BEND7: variants seen among roughly 807,000 people sequenced by gnomAD.
The protein encoded by BEND7 is BEN domain containing 7, also known as BEN domain-containing protein 7.
A neutral mutation model predicts 50.9 loss-of-function variants in BEND7; 28 were observed. The observed-to-expected ratio is 0.55, with a 90% CI of 0.41 to 0.75. BEND7 has a LOEUF of 0.75. Ranked by LOEUF, BEND7 falls within the 30% of genes least tolerant of loss-of-function variation. The probability of loss-of-function intolerance (pLI) is 0.00; values close to 1 mark genes in which losing one functional copy is unlikely to be tolerated. For synonymous variants in BEND7, 170 were observed against 183.9 expected (o/e 0.92, Z 0.61); for missense variants, 477 against 491.3 (o/e 0.97, Z 0.28).
At chr10:13,490,957 C>T (rs1003060536) in intron 5 of BEND7, among the ~76,000 whole-genome samples, 19 of 152,126 alleles carry the variant, frequency 1.2e-4, no homozygotes, top group African/African-American at 4.1e-4. Context: ...GCATGTGCCA[C>T]CACATCCAGC....
Position 13,528,584 on chromosome 10 carries a change from AGCGGCAGCGGCGGCAGCG to A in BEND7, c.-69_-52del. On this transcript the variant is annotated 5_prime_UTR_variant, in exon 1 of 9. Transcript: ENST00000466271. ...CTGAGGAGGCGGCGGCAGCGGCGGC[AGCGGCAGCGGCGGCAGCG>A]GCAGCGGCGGCGCGGGCTCGTGTCA... 3.9e-5 allele frequency: 1 copy of A among 25,466 alleles called. No homozygotes were observed. The highest frequency in any genetic ancestry group is 4.7e-5 in the Non-Finnish European group (1 of 21,322). The allele number at this position is 25,466 out of a possible 1,614,324, so 1.6% of individuals were successfully genotyped here.
intron 6 of BEND7, among the ~76,000 whole-genome samples, chr10:13,472,100 C>T (rs1380107541): frequency 2.0e-5 from 3 of 152,030 alleles, no homozygotes; most frequent in Middle Eastern, 3.4e-3. Context: ...GGTCGATACC[C>T]GTCATCACTG....
chr10:13,456,901 A>G (rs1160130671), intron 6 of BEND7, among the ~76,000 whole-genome samples: 1 of 152,240 alleles, frequency 6.6e-6, no homozygotes, highest in African/African-American at 2.4e-5. Context: ...TATTTAAAGA[A>G]GCAAGGTCTT....
chr10:13,467,030 A>C (rs1421802222), intron 6 of BEND7, among the ~76,000 whole-genome samples: 1 of 152,214 alleles, frequency 6.6e-6, no homozygotes, highest in Admixed American at 6.5e-5. Flanking sequence ...CTCACTCATC[A>C]GTGGAGATTT....
At chr10:13,486,386 G>C (rs977800257) in intron 5 of BEND7, among the ~76,000 whole-genome samples, 4 of 152,192 alleles carry the variant, frequency 2.6e-5, no homozygotes, top group Admixed American at 6.5e-5. Context: ...AGCCACAAGA[G>C]CATGTGGGAC....
intron 6 of BEND7, among the ~76,000 whole-genome samples, chr10:13,472,846 C>T (rs1300962646): frequency 6.6e-6 from 1 of 151,814 alleles, no homozygotes; most frequent in East Asian, 1.9e-4. Flanking sequence ...TACCCGTCAT[C>T]ACTGTTAGAC....
chr10:13,529,208 C>CCCGG (rs1221042398), upstream of BEND7, among the ~76,000 whole-genome samples: 1 of 146,220 alleles, frequency 6.8e-6, no homozygotes, highest in Non-Finnish European at 1.5e-5. Context: ...CTGGCCCGGG[C>CCCGG]CCGGCCGGCC....
chr10:13,510,836 TA>T (rs1018183691), intron 2 of BEND7, among the ~76,000 whole-genome samples: 1 of 151,960 alleles, frequency 6.6e-6, no homozygotes, highest in African/African-American at 2.4e-5. Flanking sequence ...CCTCTATTGG[TA>T]ATAGTGGTTA....
At chr10:13,495,394 G>T (rs1311469737) in intron 4 of BEND7, among the ~76,000 whole-genome samples, 1 of 152,218 alleles carries the variant, frequency 6.6e-6, no homozygotes, top group African/African-American at 2.4e-5. Context: ...CGGCGCGGTG[G>T]CTCACGCCTG....
chr10:13,464,155 G>A (rs1227352203), intron 6 of BEND7, among the ~76,000 whole-genome samples: 2 of 152,214 alleles, frequency 1.3e-5, no homozygotes, highest in African/African-American at 4.8e-5. Flanking sequence ...TTACTCGGCC[G>A]TTCCATTGCC....
chr10:13,448,578 T>C (rs1836951227), intron 7 of BEND7, among the ~76,000 whole-genome samples: 2 of 152,178 alleles, frequency 1.3e-5, no homozygotes, highest in Non-Finnish European at 2.9e-5. Context: ...TCCAACATCT[T>C]GTCCTCAGAT....
chr10:13,459,485 T>C (rs1839770233), intron 6 of BEND7: 1 of 152,262 alleles, frequency 6.6e-6, no homozygotes, highest in Non-Finnish European at 1.5e-5. Flanking sequence ...TATCCATCTA[T>C]TGTATTAAAA....
chr10:13,529,426 A>T (rs2079588080), upstream of BEND7, among the ~76,000 whole-genome samples: 1 of 152,016 alleles, frequency 6.6e-6, no homozygotes, highest in Non-Finnish European at 1.5e-5. Context: ...GGGGGAAAAA[A>T]CTTACCCATT....
intron 6 of BEND7, among the ~76,000 whole-genome samples, chr10:13,477,763 A>G (rs1056809298): frequency 6.6e-6 from 1 of 152,234 alleles, no homozygotes; most frequent in African/African-American, 2.4e-5. Flanking sequence ...AGAAGATGTG[A>G]GGATGGATGT....
At chr10:13,501,173 G>A (rs2077421893) in intron 2 of BEND7, among the ~76,000 whole-genome samples, 3 of 151,810 alleles carry the variant, frequency 2.0e-5, no homozygotes, top group Admixed American at 1.3e-4. Context: ...TCGGGAGTTC[G>A]AGACCAGCCT....
downstream of BEND7, chr10:13,439,129 G>A: frequency 2.0e-6 from 3 of 1,492,190 alleles, no homozygotes; most frequent in South Asian, 1.3e-5. Flanking sequence ...GATTCCAGTG[G>A]AAAGATGGGT....
At chr10:13,466,001 A>G (rs2074214094) in intron 6 of BEND7, among the ~76,000 whole-genome samples, 1 of 152,128 alleles carries the variant, frequency 6.6e-6, no homozygotes, top group Non-Finnish European at 1.5e-5. Flanking sequence ...AAAAGTGCTG[A>G]TAGTGGTTTC....
At chr10:13,477,353 T>TA (rs2075527840) in intron 6 of BEND7, among the ~76,000 whole-genome samples, 1 of 152,218 alleles carries the variant, frequency 6.6e-6, no homozygotes, top group Admixed American at 6.5e-5. Context: ...ATTTACAAAA[T>TA]CGTTTCCAAG....
intron 6 of BEND7, among the ~76,000 whole-genome samples, chr10:13,453,351 T>C (rs1275135827): frequency 6.6e-6 from 1 of 152,158 alleles, no homozygotes; most frequent in African/African-American, 2.4e-5. Flanking sequence ...CCTGAGCACT[T>C]TGAAACTCAT....
Sources: gnomAD v4.1 joint callset for allele counts (sites outside exome capture counted in the v4.1 genomes callset) on GRCh38, gnomAD v4.1.1 for gene constraint, MANE v1.5 for transcripts, NCBI Gene and HGNC (gene_info 2026-07-23, HGNC 2026-07-21) for gene names.